The following PBX3 variants were observed in gnomAD, a reference collection of about 807,000 sequenced individuals.
PBX3 encodes the protein PBX homeobox 3, also known as pre-B-cell leukemia transcription factor 3.
PBX3 carries 14 observed loss-of-function variants against 48.5 expected under a neutral mutation model. The observed-to-expected ratio is 0.29, with a 90% CI of 0.19 to 0.45. The LOEUF (loss-of-function observed/expected upper bound fraction) is 0.45. PBX3 is among the 20% of genes least tolerant of loss of function. PBX3 has a pLI of 1.00. For synonymous variants in PBX3, 210 were observed against 200.3 expected, an observed-to-expected ratio of 1.05 and a Z score of -0.41; for missense variants, 386 against 546.7, an observed-to-expected ratio of 0.71 and a Z score of 2.93.
chr9:125,750,824 C>T (rs73667042), intron 2 of PBX3, among the ~76,000 whole-genome samples: 3,363 of 152,272 alleles, frequency 0.022, 143 homozygotes, highest in African/African-American at 0.076. Context: ...GATTTAAGTA[C>T]TGAGTGATTG....
chr9:125,863,173 C>T (rs1490928338), intron 2 of PBX3, among the ~76,000 whole-genome samples: 1 of 151,398 alleles, frequency 6.6e-6, no homozygotes, highest in African/African-American at 2.4e-5. Flanking sequence ...GCTGGAATTA[C>T]AGGCATGAGC....
At chr9:125,760,821 C>T (rs1836646387) in intron 2 of PBX3, among the ~76,000 whole-genome samples, 1 of 152,148 alleles carries the variant, frequency 6.6e-6, no homozygotes, top group Non-Finnish European at 1.5e-5. Flanking sequence ...TTTGAATTCA[C>T]ATATATTTTC....
intron 2 of PBX3, among the ~76,000 whole-genome samples, chr9:125,760,382 G>T (rs1337392577): frequency 4.0e-5 from 6 of 151,190 alleles, no homozygotes; most frequent in Non-Finnish European, 8.8e-5. Context: ...GGAAAATACT[G>T]TTTGTGTATT....
At position 125,867,640 on chromosome 9, in the gene PBX3, C is replaced by CAAA. The variant is rs34050364; in HGVS notation, c.275-48031_275-48029dup. Among the ~76,000 whole-genome samples the CAAA allele has an allele frequency of 5.8e-4, 53 of 92,168 alleles. 1 individual carries two copies. The highest frequency in any genetic ancestry group is 2.6e-3 in the East Asian group (8 of 3,056). 60.5% of individuals were successfully genotyped at this position (92,168 alleles called of 152,430 possible). The stretch of plus-strand genomic sequence containing the variant: ...GGGCAACAAGAGCAAGACTCCATCT[C>CAAA]AAAAAAAAAAAAAAAAACCACAAAA... On this transcript the variant is annotated intron_variant, in intron 2 of 8. Coordinates refer to ENST00000373489, the MANE Select transcript of PBX3 (RefSeq NM_006195.6).
intron 2 of PBX3, among the ~76,000 whole-genome samples, chr9:125,791,721 G>A (rs989189908): frequency 2.6e-5 from 4 of 151,938 alleles, no homozygotes; most frequent in African/African-American, 9.7e-5. Flanking sequence ...GGATCACAAG[G>A]TCAGGAGTTC....
intron 2 of PBX3, among the ~76,000 whole-genome samples, chr9:125,893,269 A>G (rs1840693523): frequency 6.6e-6 from 1 of 152,250 alleles, no homozygotes; most frequent in Non-Finnish European, 1.5e-5. Context: ...AAGTTGTGAC[A>G]GTATATGTTA....
rs550817347 is a variant in PBX3 at position 125,936,338 on chromosome 9, A to G, written c.843+731A>G. Among the ~76,000 whole-genome samples, 6 of 152,358 alleles carry G rather than the reference A, an allele frequency of 3.9e-5. No homozygotes were observed. The East Asian group carries it at 1.2e-3, about 29-fold the overall frequency. ...ATCGTATTAGCATTACCTCTAAAAT[A>G]CAATTTTGTATAAATGTTCATATTA... On this transcript the variant is annotated intron_variant, in intron 5 of 8. Transcript: ENST00000373489.
chr9:125,861,349 T>C (rs1006166448), intron 2 of PBX3, among the ~76,000 whole-genome samples: 1 of 151,818 alleles, frequency 6.6e-6, no homozygotes, highest in Admixed American at 6.6e-5. Context: ...TAATAACAAG[T>C]GTTGGTGAAG....
intron 2 of PBX3, among the ~76,000 whole-genome samples, chr9:125,866,885 T>C (rs1411658934): frequency 6.6e-6 from 1 of 152,196 alleles, no homozygotes; most frequent in East Asian, 1.9e-4. Flanking sequence ...TGATTACTCT[T>C]TGATTAGGCA....
chr9:125,825,707 C>T (rs1033789703), intron 2 of PBX3, among the ~76,000 whole-genome samples: 2 of 152,118 alleles, frequency 1.3e-5, no homozygotes, highest in African/African-American at 4.8e-5. Context: ...AGTGACCCCA[C>T]GGGTACCTGG....
intron 2 of PBX3, among the ~76,000 whole-genome samples, chr9:125,845,777 G>A (rs1226436139): frequency 6.6e-6 from 1 of 152,042 alleles, no homozygotes; most frequent in African/African-American, 2.4e-5. Context: ...CCACCACTAA[G>A]CTTGGCTATT....
intron 6 of PBX3, among the ~76,000 whole-genome samples, chr9:125,961,231 G>A (rs1842424112): frequency 6.6e-6 from 1 of 152,246 alleles, no homozygotes. Flanking sequence ...TGCTGTGTGT[G>A]AGGAAGCTGG....
chr9:125,809,050 A>G (rs1219318887), intron 2 of PBX3, among the ~76,000 whole-genome samples: 4 of 152,182 alleles, frequency 2.6e-5, no homozygotes, highest in African/African-American at 9.7e-5. Flanking sequence ...GCCATTTTAA[A>G]CAGGGAAATC....
intron 2 of PBX3, among the ~76,000 whole-genome samples, chr9:125,877,485 G>GT (rs1459009430): frequency 6.6e-6 from 1 of 152,136 alleles, no homozygotes; most frequent in East Asian, 1.9e-4. Context: ...AAAGAGCTAC[G>GT]TAAGTGTGTA....
At chr9:125,877,023 T>C (rs1045536345) in intron 2 of PBX3, among the ~76,000 whole-genome samples, 1 of 152,008 alleles carries the variant, frequency 6.6e-6, no homozygotes, top group Admixed American at 6.6e-5. Flanking sequence ...CTGCCTGCCT[T>C]GGCCTCCCAA....
intron 2 of PBX3, among the ~76,000 whole-genome samples, chr9:125,895,531 C>T (rs557086028): frequency 1.3e-5 from 2 of 152,082 alleles, no homozygotes; most frequent in Admixed American, 6.6e-5. Context: ...GAGCTTTTAG[C>T]GCTACAACGA....
intron 2 of PBX3, among the ~76,000 whole-genome samples, chr9:125,875,417 G>C (rs1840225802): frequency 6.6e-6 from 1 of 151,994 alleles, no homozygotes; most frequent in African/African-American, 2.4e-5. Context: ...GGACATTTCA[G>C]TTGTCTTTTG....
At chr9:125,837,444 A>G (rs1051736148) in intron 2 of PBX3, among the ~76,000 whole-genome samples, 3 of 150,752 alleles carry the variant, frequency 2.0e-5, no homozygotes, top group Non-Finnish European at 4.4e-5. Flanking sequence ...CACAAGAAAC[A>G]TGATGCTATT....
chr9:125,963,688 G>A (rs532864965), intron 8 of PBX3, among the ~76,000 whole-genome samples: 5 of 152,262 alleles, frequency 3.3e-5, no homozygotes, highest in Middle Eastern at 6.8e-3. Flanking sequence ...AAGGGGGAAG[G>A]GGGCAGGGGA....
Sources: allele counts gnomAD v4.1 joint callset (sites outside exome capture counted in the v4.1 genomes callset), GRCh38; gene constraint gnomAD v4.1.1; transcripts MANE v1.5; gene names NCBI Gene and HGNC (gene_info 2026-07-23, HGNC 2026-07-21).